The following ZC3H7A variants were observed in gnomAD, a reference collection of about 807,000 sequenced individuals.
ZC3H7A encodes the protein zinc finger CCCH-type containing 7A.
In ZC3H7A, 44 loss-of-function variants were observed where a neutral mutation model predicts 125.5. The ratio of observed to expected loss-of-function variants is 0.35; its 90% CI spans 0.28 to 0.45. The LOEUF (loss-of-function observed/expected upper bound fraction) is 0.45, where lower values mean the gene tolerates loss of function less well. Among genes scored for constraint, ZC3H7A ranks in the 20% least tolerant of loss-of-function variants. ZC3H7A has a pLI of 1.00. For synonymous variants in ZC3H7A, 399 were observed against 391.2 expected, an observed-to-expected ratio of 1.02 and a Z score of -0.23; for missense variants, 977 against 1,170.7, an observed-to-expected ratio of 0.83 and a Z score of 2.41.
chr16:11,759,424 C>T (rs905251700), intron 19 of ZC3H7A: 1 of 152,194 alleles, frequency 6.6e-6, no homozygotes, highest in African/African-American at 2.4e-5. Flanking sequence ...TCGCTCAGCC[C>T]CCTTAACACT....
Position 11,758,655 on chromosome 16 carries a change from C to A in ZC3H7A, c.2320-116G>T, listed in dbSNP as rs866196407. ...CATGCTAATACTTAGTAATCAAATTCTAAAGTAAGATTAATTTGACTCTAC... is the reference window on the plus strand; with the variant it reads ...CATGCTAATACTTAGTAATCAAATTATAAAGTAAGATTAATTTGACTCTAC... On this transcript the variant is annotated intron_variant, in intron 19 of 22. Transcript: ENST00000355758. 32 of 660,126 alleles carry A rather than the reference C, an allele frequency of 4.8e-5. No individual in the cohort carries two copies. The Middle Eastern group carries it at 3.0e-3, about 62-fold the overall frequency. 40.9% of individuals were successfully genotyped at this position (660,126 alleles called of 1,614,324 possible).
chr16:11,781,654 A>G (rs1459819209), intron 2 of ZC3H7A, among the ~76,000 whole-genome samples, 190 bp from the exon 3 acceptor site: 1 of 43,314 alleles, frequency 2.3e-5, no homozygotes, highest in Non-Finnish European at 3.5e-5. Context: ...ACATATACAT[A>G]TATATATATA....
intron 1 of ZC3H7A, among the ~76,000 whole-genome samples, chr16:11,789,986 C>T (rs1405506606): frequency 1.4e-5 from 2 of 143,774 alleles, no homozygotes; most frequent in Non-Finnish European, 1.5e-5. Flanking sequence ...GACGCTAAGG[C>T]AGGAGAATAG....
intron 3 of ZC3H7A, among the ~76,000 whole-genome samples, chr16:11,779,952 C>T (rs548888891): frequency 6.6e-6 from 1 of 151,870 alleles, no homozygotes; most frequent in South Asian, 2.1e-4. Flanking sequence ...TTTTTACGGA[C>T]CCCTTGTATT....
chr16:11,771,609 T>A (rs1219351625), intron 9 of ZC3H7A, among the ~76,000 whole-genome samples: 1 of 150,840 alleles, frequency 6.6e-6, no homozygotes. Context: ...CAAATGATTC[T>A]CCTGCCTCAG....
intron 1 of ZC3H7A, among the ~76,000 whole-genome samples, chr16:11,785,329 A>G (rs978558411): frequency 2.6e-5 from 4 of 151,372 alleles, no homozygotes; most frequent in African/African-American, 7.3e-5. Context: ...ACAGAGTGAG[A>G]CCTTGCCTCG....
chr16:11,753,476 C>G (rs1234264833), intron 21 of ZC3H7A, among the ~76,000 whole-genome samples: 3 of 152,102 alleles, frequency 2.0e-5, no homozygotes, highest in East Asian at 3.9e-4. Context: ...CATGGTCTCG[C>G]TGTCATCCAG....
At position 11,751,483 on chromosome 16, in the gene ZC3H7A, T is replaced by C. The variant is rs775081772; in HGVS notation, c.2750A>G (p.Glu917Gly). 3 of 1,614,036 alleles carry C rather than the reference T, an allele frequency of 1.9e-6. No homozygotes were observed. In the African/African-American group the frequency reaches 4.0e-5, roughly 22 times the overall value. Residue 917 changes from glutamate (E) to glycine (G), a missense_variant, in exon 23 of 23, where the codon GAA becomes GGA. Glu to Gly is a moderately conservative substitution (Grantham distance 98). This residue lies in a region of ZC3H7A where 436 missense variants were observed against 603.2 expected (regional missense o/e 0.72). Coordinates refer to ENST00000355758, the MANE Select transcript of ZC3H7A (RefSeq NM_014153.4). Reference sequence around the variant, plus strand: ...ATGTGCAAATTTACAGCTGTTTCCTTCTGGGCAGGTGCCATTCATATACCT... The same window carrying C: ...ATGTGCAAATTTACAGCTGTTTCCTCCTGGGCAGGTGCCATTCATATACCT... ...CDRYMNGTCP[E>G]GNSCKFAHGN...
Position 11,774,533 on chromosome 16 carries a change from G to A in ZC3H7A, c.620-14C>T. 2 of 1,498,042 alleles carry A rather than the reference G, an allele frequency of 1.3e-6. No individual in the cohort carries two copies. The highest frequency in any genetic ancestry group is 2.3e-5 in the East Asian group (1 of 43,084). The allele number at this position is 1,498,042 out of a possible 1,614,324, so 92.8% of individuals were successfully genotyped here. A position where few individuals can be genotyped will look rare whatever the true frequency, so the allele number is the denominator to read the frequency against. ...GAGTTAATAAATCTGTAACACAGAT[G>A]GAAATGTACTCAGTCACTTTCATCG... On this transcript the variant is annotated splice_polypyrimidine_tract_variant and intron_variant, in intron 8 of 22. Transcript: ENST00000355758.
chr16:11,778,519 G>C (rs1487007508), intron 4 of ZC3H7A, among the ~76,000 whole-genome samples: 2 of 150,116 alleles, frequency 1.3e-5, no homozygotes, highest in African/African-American at 4.9e-5. Context: ...TCTTGACTAA[G>C]ATGTTAACTG....
chr16:11,762,876 G>C, intron 16 of ZC3H7A, 129 bp from the exon 17 acceptor site: 1 of 750,442 alleles, frequency 1.3e-6, no homozygotes, highest in Non-Finnish European at 2.2e-6. Context: ...CATCAGCAAG[G>C]ATGAATACCA....
intron 2 of ZC3H7A, among the ~76,000 whole-genome samples, chr16:11,781,877 A>G (rs1467262186): frequency 6.6e-6 from 1 of 152,144 alleles, no homozygotes; most frequent in Non-Finnish European, 1.5e-5. Context: ...GGACATGTCC[A>G]TCCAAACCAC....
rs148681693 is a variant in ZC3H7A at position 11,780,957 on chromosome 16, C to G, written c.108+468G>C. Among the ~76,000 whole-genome samples, 58 of 152,260 alleles carry G rather than the reference C, an allele frequency of 3.8e-4. 1 individual carries two copies. The East Asian group carries it at 0.011, about 29-fold the overall frequency. ...AAAAAATGTTCCACACACTCTTTCT[C>G]AATAAATTCTGTCCCACTTATTTTC... On this transcript the variant is annotated intron_variant, in intron 3 of 22. Transcript: ENST00000355758.
At chr16:11,755,209 C>CA (rs71136681) in intron 21 of ZC3H7A, among the ~76,000 whole-genome samples, 1,049 of 96,726 alleles carry the variant, frequency 0.011, 6 homozygotes, top group Middle Eastern at 0.021. Context: ...GACTCCATCT[C>CA]AAAAAAAAAA....
At position 11,768,325 on chromosome 16, in the gene ZC3H7A, A is replaced by G. The variant is rs764670152; in HGVS notation, c.1350T>C (p.Phe450=). The G allele has an allele frequency of 1.3e-6, 2 of 1,539,662 alleles. No individual in the cohort carries two copies. The highest frequency in any genetic ancestry group is 1.8e-6 in the Non-Finnish European group (2 of 1,134,752). The change falls in exon 12 of 23, where the codon TTT becomes TTC. Residue 450 remains phenylalanine, a synonymous_variant. Coordinates refer to ENST00000355758, the MANE Select transcript of ZC3H7A (RefSeq NM_014153.4). ...TTGTTTGGTCCTGACCTGATTTTAC[A>G]AAACAGATCTGGCAAGCTTGTCTCA... ...HELRQACQIC[F]VKSGPKLMDF... is the part of the protein sequence containing the mutation.
intron 22 of ZC3H7A, 114 bp from the exon 23 acceptor site, chr16:11,751,620 T>C: frequency 3.8e-6 from 4 of 1,062,248 alleles, no homozygotes; most frequent in Non-Finnish European, 5.3e-6. Context: ...AACTTTTAGT[T>C]AGGAATCTCA....
intron 1 of ZC3H7A, among the ~76,000 whole-genome samples, chr16:11,785,464 C>T (rs1373212632): frequency 6.6e-6 from 1 of 151,582 alleles, no homozygotes; most frequent in Non-Finnish European, 1.5e-5. Flanking sequence ...TACGATTGTG[C>T]CACTGCACTC....
At chr16:11,781,308 T>C (rs1288438022) in intron 3 of ZC3H7A, 117 bp downstream of exon 3, 1 of 856,198 alleles carries the variant, frequency 1.2e-6, no homozygotes, top group Non-Finnish European at 1.8e-6. Flanking sequence ...TAAAATAAAA[T>C]AAAAGGACAG....
chr16:11,775,055 C>T (rs759215351), intron 7 of ZC3H7A, 42 bp from the exon 8 acceptor site: 39 of 1,607,060 alleles, frequency 2.4e-5, no homozygotes, highest in Non-Finnish European at 3.2e-5. Flanking sequence ...ATTTTCAGGA[C>T]TCTAAGCCAT....
Sources: allele counts gnomAD v4.1 joint callset (sites outside exome capture counted in the v4.1 genomes callset), GRCh38; gene constraint gnomAD v4.1.1; regional missense constraint gnomAD v4.1.1; transcripts MANE v1.5; gene names NCBI Gene and HGNC (gene_info 2026-07-23, HGNC 2026-07-21).